Variants in SMAD3 observed in about 807,000 individuals in gnomAD.
SMAD3 encodes the protein MAD homolog 3.
A neutral mutation model predicts 51.8 loss-of-function variants in SMAD3; 12 were observed. The observed-to-expected ratio is 0.23, with a 90% CI of 0.15 to 0.38. SMAD3 has a LOEUF of 0.38. Among genes scored for constraint, SMAD3 ranks in the 10% least tolerant of loss-of-function variants. SMAD3 has a pLI of 1.00. For synonymous variants in SMAD3, 238 were observed against 227.7 expected (o/e 1.05, Z -0.41); for missense variants, 294 against 565.6 (o/e 0.52, Z 4.87).
intron 1 of SMAD3, among the ~76,000 whole-genome samples, chr15:67,108,643 CAG>C: frequency 6.6e-6 from 1 of 152,308 alleles, no homozygotes; most frequent in East Asian, 1.9e-4. Context: ...CCCTCAAGGA[CAG>C]GGGCTCCATG....
At chr15:67,174,999 C>T (rs188031256) in intron 5 of SMAD3, among the ~76,000 whole-genome samples, 230 of 152,242 alleles carry the variant, frequency 1.5e-3, no homozygotes, top group African/African-American at 5.1e-3. Flanking sequence ...GACCTGGGAC[C>T]GTTGTTTGCA....
At chr15:67,083,998 C>G (rs1566962541) in intron 1 of SMAD3, among the ~76,000 whole-genome samples, 1 of 150,274 alleles carries the variant, frequency 6.7e-6, no homozygotes, top group Non-Finnish European at 1.5e-5. Context: ...GTCTTCTCTT[C>G]TACAAAATGA....
chr15:67,118,218 T>C (rs1961179238), intron 1 of SMAD3, among the ~76,000 whole-genome samples: 1 of 152,252 alleles, frequency 6.6e-6, no homozygotes, highest in South Asian at 2.1e-4. Context: ...ACAAGTCATC[T>C]GGTGTGGTCC....
At chr15:67,153,941 G>T (rs1420419655) in intron 1 of SMAD3, among the ~76,000 whole-genome samples, 2 of 152,242 alleles carry the variant, frequency 1.3e-5, no homozygotes, top group African/African-American at 4.8e-5. Flanking sequence ...GCCCTTGGGA[G>T]GTGGGATAGC....
At chr15:67,147,140 G>A (rs980786181) in intron 1 of SMAD3, among the ~76,000 whole-genome samples, 1 of 152,140 alleles carries the variant, frequency 6.6e-6, no homozygotes, top group Non-Finnish European at 1.5e-5. Flanking sequence ...AGTGATGTGT[G>A]GTGTTCTGAG....
intron 1 of SMAD3, among the ~76,000 whole-genome samples, chr15:67,149,153 G>A (rs1430687855): frequency 6.6e-6 from 1 of 152,234 alleles, no homozygotes; most frequent in Non-Finnish European, 1.5e-5. Context: ...GGACCTCCAA[G>A]GGCTCTGTCC....
At chr15:67,132,909 A>G (rs913136281) in intron 1 of SMAD3, among the ~76,000 whole-genome samples, 5 of 152,322 alleles carry the variant, frequency 3.3e-5, no homozygotes, top group African/African-American at 9.6e-5. Context: ...TCTGCTCCAC[A>G]GTTTAAAACA....
At chr15:67,136,235 A>G (rs933115389) in intron 1 of SMAD3, among the ~76,000 whole-genome samples, 1 of 152,236 alleles carries the variant, frequency 6.6e-6, no homozygotes, top group Non-Finnish European at 1.5e-5. Flanking sequence ...TCAACCCTGC[A>G]TAATTGCAGA....
chr15:67,102,516 T>C (rs1165063826), intron 1 of SMAD3, among the ~76,000 whole-genome samples: 6 of 152,152 alleles, frequency 3.9e-5, no homozygotes, highest in African/African-American at 9.7e-5. Flanking sequence ...TTGTGAGTGT[T>C]CATATCTGTC....
At chr15:67,141,112 T>C (rs1192084344) in intron 1 of SMAD3, among the ~76,000 whole-genome samples, 3 of 152,178 alleles carry the variant, frequency 2.0e-5, no homozygotes, top group Admixed American at 1.3e-4. Context: ...TTGATGGCTG[T>C]CTTCTGGGTC....
intron 5 of SMAD3, among the ~76,000 whole-genome samples, chr15:67,177,611 C>T (rs1794550606): frequency 1.3e-5 from 2 of 151,882 alleles, no homozygotes; most frequent in African/African-American, 2.4e-5. Context: ...TTAGTAGAGA[C>T]GGGGTTTCGC....
intron 1 of SMAD3, among the ~76,000 whole-genome samples, chr15:67,134,360 A>G (rs1961601132): frequency 6.6e-6 from 1 of 152,172 alleles, no homozygotes. Context: ...GGGGCCTTTA[A>G]GATGCCATCC....
chr15:67,134,188 C>T (rs1309018201), intron 1 of SMAD3, among the ~76,000 whole-genome samples: 3 of 152,138 alleles, frequency 2.0e-5, no homozygotes, highest in South Asian at 2.1e-4. Context: ...TTCCAAGGCT[C>T]AACCCCTGCA....
At chr15:67,176,439 A>C (rs1794228742) in intron 5 of SMAD3, among the ~76,000 whole-genome samples, 1 of 152,076 alleles carries the variant, frequency 6.6e-6, no homozygotes, top group South Asian at 2.1e-4. Context: ...AAACCAGCCC[A>C]TTTCTGTTTT....
intron 1 of SMAD3, among the ~76,000 whole-genome samples, chr15:67,147,624 T>G (rs909786302): frequency 9.2e-5 from 14 of 152,126 alleles, no homozygotes; most frequent in Non-Finnish European, 2.1e-4. Context: ...AAAGGACATT[T>G]GCACACCACC....
chr15:67,068,809 G>T (rs544682794), intron 1 of SMAD3, among the ~76,000 whole-genome samples: 1 of 152,264 alleles, frequency 6.6e-6, no homozygotes, highest in South Asian at 2.1e-4. Context: ...CCACGTCTTG[G>T]GGAGGTGGCT....
intron 1 of SMAD3, among the ~76,000 whole-genome samples, chr15:67,140,257 G>C (rs534466430): frequency 5.3e-5 from 8 of 152,310 alleles, no homozygotes; most frequent in East Asian, 3.9e-4. Context: ...TTGTCTCACC[G>C]CAAAAACCTC....
At chr15:67,170,432 T>C in intron 4 of SMAD3, 122 bp from the exon 5 acceptor site, 2 of 815,204 alleles carry the variant, frequency 2.5e-6, no homozygotes, top group Non-Finnish European at 2.1e-6. Context: ...CTGGGACCCC[T>C]CAGTCCAGGG....
At chr15:67,100,130 G>A (rs563059087) in intron 1 of SMAD3, among the ~76,000 whole-genome samples, 5 of 143,560 alleles carry the variant, frequency 3.5e-5, no homozygotes, top group Admixed American at 2.2e-4. Context: ...GCAGTGAGCC[G>A]AGATCGCACC....
Sources: gnomAD v4.1 joint callset for allele counts (sites outside exome capture counted in the v4.1 genomes callset) on GRCh38, gnomAD v4.1.1 for gene constraint, MANE v1.5 for transcripts, NCBI Gene and HGNC (gene_info 2026-07-23, HGNC 2026-07-21) for gene names.